Variants in CDC14B observed in about 807,000 individuals in gnomAD.
The protein encoded by CDC14B is dual specificity protein phosphatase CDC14B.
CDC14B carries 22 observed loss-of-function variants against 64.2 expected under a neutral mutation model. That is an observed-to-expected ratio of 0.34 (90% CI 0.24 to 0.49). The LOEUF (loss-of-function observed/expected upper bound fraction) is 0.49. CDC14B is among the 20% of genes least tolerant of loss of function. The pLI is 0.99. For missense variants in CDC14B, 498 were observed against 629.9 expected (o/e 0.79, Z 2.24); for synonymous variants, 191 against 215.8 (o/e 0.89, Z 1.01).
intron 9 of CDC14B, among the ~76,000 whole-genome samples, chr9:96,530,942 T>C (rs1838368756): frequency 6.6e-6 from 1 of 152,240 alleles, no homozygotes; most frequent in African/African-American, 2.4e-5. Flanking sequence ...TAACGTGGTA[T>C]ATCACACTGA....
downstream of CDC14B, among the ~76,000 whole-genome samples, chr9:96,496,754 C>T (rs571854770): frequency 2.6e-5 from 4 of 152,356 alleles, no homozygotes; most frequent in East Asian, 7.7e-4. Context: ...GAGCCCGTCC[C>T]GCGCCCTCCC....
In CDC14B at chr9:96,523,791, G is replaced by A. The variant is rs950961613; in HGVS notation, c.947-66C>T. The stretch of plus-strand genomic sequence containing the variant: ...TGTACTCCAGGATTTTGTTGGGCAG[G>A]CAGAATTTTTTTAAAAGGCTTCTCA... On this transcript the variant is annotated intron_variant, in intron 9 of 13. Transcript: ENST00000375241. 1.7e-4 allele frequency: 265 copies of A among 1,549,854 alleles called. No homozygotes were observed. In the Admixed American group the frequency reaches 2.6e-3, roughly 15 times the overall value.
At chr9:96,522,698 A>C (rs995358030) in intron 11 of CDC14B, 95 bp from the exon 12 acceptor site, 2 of 772,466 alleles carry the variant, frequency 2.6e-6, no homozygotes, top group Admixed American at 2.2e-5. Flanking sequence ...ACACAGTCCA[A>C]GTTTCTGCAA....
At chr9:96,499,374 G>A (rs769323940), downstream of CDC14B, among the ~76,000 whole-genome samples, 2 of 152,200 alleles carry the variant, frequency 1.3e-5, no homozygotes, top group Non-Finnish European at 2.9e-5. Context: ...AGCCCTTGGG[G>A]TCCTGCCCGG....
At chr9:96,584,926 G>T in intron 1 of CDC14B, among the ~76,000 whole-genome samples, 1 of 152,166 alleles carries the variant, frequency 6.6e-6, no homozygotes, top group East Asian at 1.9e-4. Context: ...AAAGTGCTGG[G>T]ATTACAAGCA....
chr9:96,612,279 T>C (rs1013471062), intron 1 of CDC14B, among the ~76,000 whole-genome samples: 3 of 152,230 alleles, frequency 2.0e-5, no homozygotes, highest in African/African-American at 7.2e-5. Flanking sequence ...CTGAACCTTT[T>C]GTGCAAGTAC....
intron 12 of CDC14B, among the ~76,000 whole-genome samples, chr9:96,518,662 T>C (rs1380990119): frequency 1.3e-5 from 2 of 152,068 alleles, no homozygotes; most frequent in African/African-American, 4.8e-5. Flanking sequence ...AAGCTACTAA[T>C]ATACATAAAG....
intron 1 of CDC14B, among the ~76,000 whole-genome samples, chr9:96,612,882 T>C (rs988558132): frequency 6.6e-6 from 1 of 152,218 alleles, no homozygotes; most frequent in African/African-American, 2.4e-5. Context: ...TCCGGAAAAC[T>C]GGGGCTGTTA....
chr9:96,545,329 CTTTTTTT>C (rs59040963), intron 5 of CDC14B, among the ~76,000 whole-genome samples: 17 of 132,992 alleles, frequency 1.3e-4, no homozygotes, highest in Non-Finnish European at 2.6e-4. Flanking sequence ...TGATTATTTT[CTTTTTTT>C]TTTTTTTTTT....
Position 96,502,716 on chromosome 9 carries a change from C to G in CDC14B, c.*1037G>C. 2.5e-6 allele frequency: 1 copy of G among 394,396 alleles called. No homozygotes were observed. Among genetic ancestry groups the G allele is most frequent in the Non-Finnish European group, 4.5e-6 (1 of 223,760 alleles). 24.4% of individuals were successfully genotyped at this position (394,396 alleles called of 1,614,324 possible). ...ACTCTGCAGAGTTACTAGTTGTGTT[C>G]CCTAACCAAAGGCAACAGTGAGATC... On this transcript the variant is annotated 3_prime_UTR_variant, in exon 14 of 14. Transcript: ENST00000375241.
At chr9:96,565,682 A>C (rs1474315848) in intron 1 of CDC14B, among the ~76,000 whole-genome samples, 199 bp from the exon 2 acceptor site, 1 of 152,242 alleles carries the variant, frequency 6.6e-6, no homozygotes, top group Non-Finnish European at 1.5e-5. Flanking sequence ...TTAAAAGAGA[A>C]ACTGCCTTTA....
intron 6 of CDC14B, among the ~76,000 whole-genome samples, chr9:96,540,842 G>A (rs149783697): frequency 3.3e-5 from 5 of 152,184 alleles, no homozygotes; most frequent in East Asian, 1.9e-4. Context: ...CCATGGAGCC[G>A]CCTCAGAGCT....
At chr9:96,573,559 C>T (rs746574054) in intron 1 of CDC14B, among the ~76,000 whole-genome samples, 1 of 152,088 alleles carries the variant, frequency 6.6e-6, no homozygotes, top group Non-Finnish European at 1.5e-5. Flanking sequence ...TAATTTCCCT[C>T]AAAAGAAATG....
rs369826726 is a variant in CDC14B, at chr9:96,551,937, G to A, written c.421-65C>T. On this transcript the variant is annotated intron_variant, in intron 4 of 13. Transcript: ENST00000375241. ...AGTGAAGATACAGTGCTGTCACTGC[G>A]AAGTAAATTTTGTCCAATTTCCAAC... The A allele has an allele frequency of 4.0e-5, 61 of 1,541,926 alleles. No homozygotes were observed. The African/African-American group carries it at 4.1e-4, about 10-fold the overall frequency.
intron 12 of CDC14B, among the ~76,000 whole-genome samples, chr9:96,519,475 C>G (rs984629047): frequency 6.6e-6 from 1 of 152,094 alleles, no homozygotes; most frequent in Admixed American, 6.5e-5. Flanking sequence ...GTGGTTCATG[C>G]CTGTAATCCT....
chr9:96,510,030 G>A (rs183797255), intron 12 of CDC14B, among the ~76,000 whole-genome samples: 18 of 152,270 alleles, frequency 1.2e-4, no homozygotes, highest in Admixed American at 1.1e-3. Context: ...CCTGGAAGGC[G>A]AATGACTTGG....
intron 9 of CDC14B, among the ~76,000 whole-genome samples, chr9:96,532,982 CTT>C (rs1838714315): frequency 6.6e-6 from 1 of 152,042 alleles, no homozygotes; most frequent in Non-Finnish European, 1.5e-5. Context: ...TTTATTTCTT[CTT>C]CTTTTTTTTG....
At chr9:96,592,955 A>G (rs1045310163) in intron 1 of CDC14B, among the ~76,000 whole-genome samples, 4 of 152,210 alleles carry the variant, frequency 2.6e-5, no homozygotes, top group Non-Finnish European at 5.9e-5. Flanking sequence ...GGAGGTTACA[A>G]TAACTCCTCA....
At position 96,515,799 on chromosome 9, in the gene CDC14B, A is replaced by G. The variant is rs1287305760; in HGVS notation, c.1344-6010T>C. Reference sequence around the variant, plus strand: ...CAGCACAGCTAGGGGACATCTGGAAAGGGGTGAAGGGGAAAGAACAGATGT... The same window carrying G: ...CAGCACAGCTAGGGGACATCTGGAAGGGGGTGAAGGGGAAAGAACAGATGT... On this transcript the variant is annotated intron_variant, in intron 12 of 13. Transcript: ENST00000375241. The surrounding 1 kb of genome is among the most constrained non-coding windows in gnomAD (Gnocchi z 4.3). 11 of 1,582,338 alleles carry G rather than the reference A, an allele frequency of 7.0e-6. No homozygotes were observed. Among genetic ancestry groups the G allele is most frequent in the East Asian group, 6.8e-5 (3 of 43,862 alleles).
Sources: allele counts gnomAD v4.1 joint callset (sites outside exome capture counted in the v4.1 genomes callset), GRCh38; gene constraint gnomAD v4.1.1; non-coding constraint Gnocchi (gnomAD v3.1); transcripts MANE v1.5; gene names NCBI Gene and HGNC (gene_info 2026-07-23, HGNC 2026-07-21).